The following PRUNE1 variants were observed in gnomAD, a reference collection of about 807,000 sequenced individuals.
PRUNE1 encodes the protein exopolyphosphatase PRUNE1.
In PRUNE1, 25 loss-of-function variants were observed where a neutral mutation model predicts 42.5. That is an observed-to-expected ratio of 0.59 (90% CI 0.43 to 0.82). The LOEUF (loss-of-function observed/expected upper bound fraction) is 0.82, where lower values mean the gene tolerates loss of function less well. Ranked by LOEUF, PRUNE1 falls within the 40% of genes least tolerant of loss-of-function variation. The pLI is 0.00. For missense variants in PRUNE1, 443 were observed against 539.3 expected, an observed-to-expected ratio of 0.82 and a Z score of 1.77; for synonymous variants, 203 against 217.1, an observed-to-expected ratio of 0.93 and a Z score of 0.57.
intron 1 of PRUNE1, among the ~76,000 whole-genome samples, chr1:151,013,898 G>C (rs1673934924): frequency 6.6e-6 from 1 of 152,114 alleles, no homozygotes; most frequent in Non-Finnish European, 1.5e-5. Context: ...CTGGGGTATT[G>C]GGTAGAATTC....
At position 151,034,139 on chromosome 1, in the gene PRUNE1, C is replaced by G. The variant is rs747735750; in HGVS notation, c.1267C>G (p.Gln423Glu). The change falls in exon 8 of 8, where the codon CAG becomes GAG. Residue 423 changes from glutamine to glutamate, a missense_variant. Transcript: ENST00000271620. ...NSLVDECPLDQGLPKLSAEAV... is the reference protein window; with the variant it reads ...NSLVDECPLDEGLPKLSAEAV... ...CTTGGTGGATGAGTGCCCTCTAGAT[C>G]AGGGGCTGCCTAAACTCTCTGCTGA... The G allele has an allele frequency of 1.9e-6, 3 of 1,614,214 alleles. No homozygotes were observed. Among genetic ancestry groups the G allele is most frequent in the Admixed American group, 1.7e-5 (1 of 60,020 alleles).
intron 1 of PRUNE1, among the ~76,000 whole-genome samples, chr1:151,011,723 A>G (rs373486501): frequency 6.6e-6 from 1 of 152,102 alleles, no homozygotes; most frequent in African/African-American, 2.4e-5. Context: ...AGAACATATC[A>G]GGATAAGAGA....
chr1:151,033,029 C>A (rs1319111744), intron 7 of PRUNE1, among the ~76,000 whole-genome samples: 1 of 151,920 alleles, frequency 6.6e-6, no homozygotes, highest in Non-Finnish European at 1.5e-5. Flanking sequence ...CCACCTTGGC[C>A]TCCCAAAGTG....
At chr1:151,033,391 CTTT>C (rs1409975062) in intron 7 of PRUNE1, among the ~76,000 whole-genome samples, 5 of 126,758 alleles carry the variant, frequency 3.9e-5, no homozygotes, top group Admixed American at 7.9e-5. Context: ...GGCTGACTTA[CTTT>C]TTTTTTTTTT....
intron 5 of PRUNE1, among the ~76,000 whole-genome samples, chr1:151,026,461 A>C (rs1334829483): frequency 1.3e-5 from 2 of 152,126 alleles, no homozygotes. Flanking sequence ...TCCGTCTCAA[A>C]AAAAAACAAA....
intron 3 of PRUNE1, among the ~76,000 whole-genome samples, chr1:151,021,968 CT>C (rs112739593): frequency 0.017 from 2,390 of 139,820 alleles, 49 homozygotes; most frequent in African/African-American, 0.051. Context: ...GTGCCACCAC[CT>C]TTTTTTTTTT....
In PRUNE1 at chr1:151,022,511, C is replaced by T. The variant is rs587673892; in HGVS notation, c.336-2100C>T. Among the ~76,000 whole-genome samples, 7 of 151,570 alleles carry T rather than the reference C, an allele frequency of 4.6e-5. No individual in the cohort carries two copies. In the East Asian group the frequency reaches 9.7e-4, roughly 21 times the overall value. On this transcript the variant is annotated intron_variant, in intron 3 of 7. Coordinates refer to ENST00000271620, the MANE Select transcript of PRUNE1 (RefSeq NM_021222.3). ...TCGGCTCACTGCAAGCTCCGCCTCC[C>T]GGGTTCACGCCATTCTCCTGCCTCA...
At chr1:151,028,606 C>G (rs587647356) in intron 6 of PRUNE1, among the ~76,000 whole-genome samples, 180 bp from the exon 7 acceptor site, 10 of 151,984 alleles carry the variant, frequency 6.6e-5, no homozygotes, top group Admixed American at 3.3e-4. Context: ...GTATTTTTAC[C>G]AGAGACAGGG....
chr1:151,020,914 G>C (rs1265754510), intron 3 of PRUNE1, among the ~76,000 whole-genome samples: 1 of 151,684 alleles, frequency 6.6e-6, no homozygotes, highest in Non-Finnish European at 1.5e-5. Context: ...CCCGGGAGGC[G>C]GAGCTTTCAG....
rs370580292 is a variant in PRUNE1 at position 151,013,580 on chromosome 1, G to T, written c.40-4232G>T. On this transcript the variant is annotated intron_variant, in intron 1 of 7. Transcript: ENST00000271620. ...TGAAGCAACACTGATGTAAATAAGC[G>T]TGGAAAGGTTCTCCAGCATCTCTTT... Among the ~76,000 whole-genome samples, 99 of 152,244 alleles carry T rather than the reference G, an allele frequency of 6.5e-4. 2 individuals are homozygous for T. The South Asian group carries it at 0.018, about 28-fold the overall frequency.
intron 1 of PRUNE1, 65 bp downstream of exon 1, chr1:151,008,736 G>A: frequency 6.3e-7 from 1 of 1,585,800 alleles, no homozygotes; most frequent in Non-Finnish European, 8.7e-7. Context: ...CGAAGACGTG[G>A]GATCTGGGGG....
intron 7 of PRUNE1, among the ~76,000 whole-genome samples, chr1:151,031,175 T>TTTTTGTG (rs1263944625): frequency 7.3e-6 from 1 of 137,280 alleles, no homozygotes; most frequent in African/African-American, 2.8e-5. Context: ...TGTTTTGTTT[T>TTTTTGTG]TGTGTGTGTG....
intron 3 of PRUNE1, among the ~76,000 whole-genome samples, chr1:151,020,455 A>G (rs1485135041): frequency 1.3e-5 from 2 of 150,164 alleles, no homozygotes; most frequent in African/African-American, 2.5e-5. Context: ...CTTGTCTCCA[A>G]AAAAATTTTT....
rs770752421 is a variant in PRUNE1, at chr1:151,020,419, C to CTCCA, written c.335+1751_335+1754dup. On this transcript the variant is annotated intron_variant, in intron 3 of 7. Coordinates refer to ENST00000271620, the MANE Select transcript of PRUNE1 (RefSeq NM_021222.3). ...AGTAAGCCATGATCACATCACTGTA[C>CTCCA]TCCAGCCTGAGTGACAGGGCAAGAA... Among the ~76,000 whole-genome samples, 8 of 150,980 alleles carry CTCCA rather than the reference C, an allele frequency of 5.3e-5. No homozygotes were observed. The South Asian group carries it at 1.0e-3, about 20-fold the overall frequency.
chr1:151,027,671 T>C (rs1469410890), intron 6 of PRUNE1, among the ~76,000 whole-genome samples: 1 of 149,260 alleles, frequency 6.7e-6, no homozygotes, highest in East Asian at 2.0e-4. Flanking sequence ...AGCCTCAACC[T>C]TCCAGGCTCA....
Position 151,025,576 on chromosome 1 carries a change from C to G in PRUNE1, c.582C>G (p.Asp194Glu). 1 of 1,613,730 alleles carries G rather than the reference C, an allele frequency of 6.2e-7. No homozygotes were observed. Among genetic ancestry groups the G allele is most frequent in the South Asian group, 1.1e-5 (1 of 91,062 alleles). ...AAATTGGAAAGGCAACCCCAAAGGA[C>G]AGCAAATATGTGGAGAAACTAGAGG... ...DLKIGKATPK[D>E]SKYVEKLEAL... Residue 194 changes from aspartate (D) to glutamate (E), a missense_variant, in exon 5 of 8, where the codon GAC becomes GAG. By Grantham distance (45) the Asp-to-Glu change is conservative (BLOSUM62 2). Coordinates refer to ENST00000271620, the MANE Select transcript of PRUNE1 (RefSeq NM_021222.3).
chr1:151,023,169 C>T (rs932903995), intron 3 of PRUNE1, among the ~76,000 whole-genome samples: 3 of 152,122 alleles, frequency 2.0e-5, no homozygotes, highest in African/African-American at 7.2e-5. Flanking sequence ...AAATTATATT[C>T]TGGGTCCTAA....
At chr1:151,013,028 G>C (rs1235840354) in intron 1 of PRUNE1, among the ~76,000 whole-genome samples, 2 of 152,260 alleles carry the variant, frequency 1.3e-5, no homozygotes, top group East Asian at 3.9e-4. Flanking sequence ...CTCCCAAAGT[G>C]CTGGGATCAT....
intron 4 of PRUNE1, among the ~76,000 whole-genome samples, chr1:151,025,144 C>A (rs1674742789): frequency 1.2e-5 from 1 of 86,482 alleles, no homozygotes; most frequent in South Asian, 5.1e-4. Context: ...TTCTTGTTCT[C>A]ATTTTTCCAC....
Sources: allele counts gnomAD v4.1 joint callset (sites outside exome capture counted in the v4.1 genomes callset), GRCh38; gene constraint gnomAD v4.1.1; transcripts MANE v1.5; gene names NCBI Gene and HGNC (gene_info 2026-07-23, HGNC 2026-07-21).